Variants in JCAD observed in about 807,000 individuals in gnomAD.
JCAD encodes the protein junctional cadherin 5-associated protein.
In JCAD, 40 loss-of-function variants were observed where a neutral mutation model predicts 98.0. The ratio of observed to expected loss-of-function variants is 0.41; its 90% CI spans 0.32 to 0.53. The LOEUF (loss-of-function observed/expected upper bound fraction) is 0.53, where lower values mean the gene tolerates loss of function less well. JCAD is among the 20% of genes least tolerant of loss of function. JCAD has a pLI of 0.31. For synonymous variants in JCAD, 691 were observed against 682.3 expected (o/e 1.01, Z -0.20); for missense variants, 1,705 against 1,738.1 (o/e 0.98, Z 0.34).
chr10:30,039,953 GC>G (rs1837208381), intron 2 of JCAD, among the ~76,000 whole-genome samples: 1 of 152,228 alleles, frequency 6.6e-6, no homozygotes, highest in Non-Finnish European at 1.5e-5. Context: ...TTAGCACAGT[GC>G]CTGACACATA....
Position 30,017,188 on chromosome 10 carries a change from A to C in JCAD, c.*695T>G, listed in dbSNP as rs1229039942. The C allele has an allele frequency of 1.3e-5, 2 of 152,290 alleles. No individual in the cohort carries two copies. The highest frequency in any genetic ancestry group is 4.8e-5 in the African/African-American group (2 of 41,472). The allele number at this position is 152,290 out of a possible 1,614,324, so 9.4% of individuals were successfully genotyped here. Reference sequence around the variant, plus strand: ...AATAAAAATAGATAATACTGAGTGCAAAGCAGACAATGGCGTGTTTGCAAA... The same window carrying C: ...AATAAAAATAGATAATACTGAGTGCCAAGCAGACAATGGCGTGTTTGCAAA... On this transcript the variant is annotated 3_prime_UTR_variant, in exon 4 of 4. Coordinates refer to ENST00000375377, the MANE Select transcript of JCAD (RefSeq NM_020848.4).
At chr10:30,024,608 T>C (rs1288641281) in intron 3 of JCAD, among the ~76,000 whole-genome samples, 1 of 151,274 alleles carries the variant, frequency 6.6e-6, no homozygotes, top group African/African-American at 2.4e-5. Context: ...GTGTTTTGCA[T>C]AAGGAGCAGA....
At chr10:30,080,217 T>A (rs1838058653) in intron 1 of JCAD, among the ~76,000 whole-genome samples, 1 of 152,194 alleles carries the variant, frequency 6.6e-6, no homozygotes, top group Non-Finnish European at 1.5e-5. Context: ...AAGCACCACT[T>A]GAATCTTTTT....
At chr10:30,042,173 A>G (rs1837256117) in intron 2 of JCAD, among the ~76,000 whole-genome samples, 1 of 152,202 alleles carries the variant, frequency 6.6e-6, no homozygotes, top group South Asian at 2.1e-4. Flanking sequence ...TAAAAAGGGG[A>G]AAATGCCAAG....
intron 2 of JCAD, among the ~76,000 whole-genome samples, 200 bp downstream of exon 2, chr10:30,047,332 G>T (rs893021935): frequency 1.3e-5 from 2 of 152,228 alleles, no homozygotes; most frequent in Non-Finnish European, 2.9e-5. Context: ...TTGCACAATT[G>T]TACTCCAGCC....
chr10:30,080,861 G>T (rs1017038789), intron 1 of JCAD, among the ~76,000 whole-genome samples: 5 of 152,174 alleles, frequency 3.3e-5, no homozygotes, highest in African/African-American at 1.2e-4. Context: ...TCCAAGAACT[G>T]CCCTCTTATG....
At chr10:30,023,449 T>C (rs950823733) in intron 3 of JCAD, among the ~76,000 whole-genome samples, 12 of 152,200 alleles carry the variant, frequency 7.9e-5, no homozygotes, top group Non-Finnish European at 1.8e-4. Context: ...CTGGGACCAA[T>C]AGGCTCTACC....
chr10:30,065,076 G>C (rs1037071541), intron 2 of JCAD, among the ~76,000 whole-genome samples: 1 of 152,210 alleles, frequency 6.6e-6, no homozygotes, highest in African/African-American at 2.4e-5. Flanking sequence ...TGTGAGGATA[G>C]AGAGTATATT....
chr10:30,060,136 C>T (rs1021458805), upstream of JCAD, among the ~76,000 whole-genome samples: 3 of 151,722 alleles, frequency 2.0e-5, no homozygotes, highest in Admixed American at 6.6e-5. Flanking sequence ...CACACACAAA[C>T]GCACCCACAT....
chr10:30,052,688 T>C (rs1360361899), intron 1 of JCAD, among the ~76,000 whole-genome samples: 1 of 152,132 alleles, frequency 6.6e-6, no homozygotes, highest in African/African-American at 2.4e-5. Context: ...AGGGCACTTG[T>C]TTTACATTGG....
chr10:30,051,289 C>CACAA (rs983971776), intron 1 of JCAD, among the ~76,000 whole-genome samples: 3,556 of 145,210 alleles, frequency 0.024, 62 homozygotes, highest in Non-Finnish European at 0.038. Context: ...CGCACGCACA[C>CACAA]ACACACACAC....
At chr10:30,070,397 C>CCAT (rs1837863500) in intron 1 of JCAD, among the ~76,000 whole-genome samples, 1 of 152,198 alleles carries the variant, frequency 6.6e-6, no homozygotes, top group African/African-American at 2.4e-5. Context: ...TCTGCACATA[C>CCAT]CATCCCTCGA....
intron 1 of JCAD, among the ~76,000 whole-genome samples, chr10:30,104,676 A>C (rs1039176165): frequency 1.3e-5 from 2 of 152,182 alleles, no homozygotes; most frequent in Admixed American, 6.5e-5. Context: ...GCATCCCACA[A>C]TACACCCATG....
At chr10:30,044,272 G>A (rs1352618562) in intron 2 of JCAD, among the ~76,000 whole-genome samples, 1 of 152,148 alleles carries the variant, frequency 6.6e-6, no homozygotes, top group Non-Finnish European at 1.5e-5. Flanking sequence ...TAATAATATT[G>A]CCAACATGCC....
rs535375282 is a variant in JCAD at position 30,051,896 on chromosome 10, GA to G, written c.-59-4026del. 5.3e-5 allele frequency among the ~76,000 whole-genome samples: 8 copies of G among 152,268 alleles called. No homozygotes were observed. The South Asian group carries it at 1.7e-3, about 32-fold the overall frequency. Reference sequence around the variant, plus strand: ...TTCCATTAATAGAAATATAGAAACTGAAAATAATTGTTGGTTTGAGAAGATG... The same window carrying G: ...TTCCATTAATAGAAATATAGAAACTGAAATAATTGTTGGTTTGAGAAGATG... On this transcript the variant is annotated intron_variant, in intron 1 of 3. Transcript: ENST00000375377.
intron 1 of JCAD, among the ~76,000 whole-genome samples, chr10:30,103,791 A>C (rs1478014080): frequency 6.9e-6 from 1 of 145,584 alleles, no homozygotes; most frequent in Non-Finnish European, 1.5e-5. Context: ...GAGTGCAATG[A>C]CGCAATCTTG....
chr10:30,084,813 C>CTATCTATG (rs1838141765), intron 1 of JCAD, among the ~76,000 whole-genome samples: 1 of 152,010 alleles, frequency 6.6e-6, no homozygotes, highest in Non-Finnish European at 1.5e-5. Context: ...ATCTATCTAT[C>CTATCTATG]TATCTATCTA....
chr10:30,083,685 A>G (rs542091647), intron 1 of JCAD, among the ~76,000 whole-genome samples: 2 of 152,342 alleles, frequency 1.3e-5, no homozygotes, highest in East Asian at 3.9e-4. Context: ...GTCCATCAGC[A>G]CTAGCGTAAG....
In JCAD at chr10:30,058,368, CG is replaced by C. The variant is rs369181600; in HGVS notation, c.-60+1113del. ...ACACGGGAGGCGGGTGGAGTGCGTG[CG>C]GGGGTGGGAGAGTGGGTGTAGGTGT... On this transcript the variant is annotated intron_variant, in intron 1 of 3. Coordinates refer to ENST00000375377, the MANE Select transcript of JCAD (RefSeq NM_020848.4). 1.1e-3 allele frequency among the ~76,000 whole-genome samples: 164 copies of C among 151,948 alleles called. No individual in the cohort carries two copies. The East Asian group carries it at 0.013, about 12-fold the overall frequency.
Sources: allele counts gnomAD v4.1 joint callset (sites outside exome capture counted in the v4.1 genomes callset), GRCh38; gene constraint gnomAD v4.1.1; transcripts MANE v1.5; gene names NCBI Gene and HGNC (gene_info 2026-07-23, HGNC 2026-07-21).